The following DLG1 variants were observed in gnomAD, a reference collection of about 807,000 sequenced individuals.
The protein encoded by DLG1 is discs large MAGUK scaffold protein 1.
A neutral mutation model predicts 123.4 loss-of-function variants in DLG1; 42 were observed. The ratio of observed to expected loss-of-function variants is 0.34; its 90% CI spans 0.27 to 0.44. The LOEUF (loss-of-function observed/expected upper bound fraction) is 0.44, where lower values mean the gene tolerates loss of function less well. Among genes scored for constraint, DLG1 ranks in the 20% least tolerant of loss-of-function variants. The pLI is 1.00. For missense variants in DLG1, 942 were observed against 1,082.6 expected (o/e 0.87, Z 1.82); for synonymous variants, 317 against 356.2 (o/e 0.89, Z 1.24).
chr3:197,046,036 C>T (rs560025005), intron 24 of DLG1, among the ~76,000 whole-genome samples: 12 of 152,280 alleles, frequency 7.9e-5, no homozygotes, highest in East Asian at 3.9e-4. Context: ...ACATGATATT[C>T]GCTAGTATCA....
chr3:197,236,547 A>G (rs1746064583), intron 4 of DLG1, among the ~76,000 whole-genome samples: 1 of 152,198 alleles, frequency 6.6e-6, no homozygotes, highest in Admixed American at 6.5e-5. Flanking sequence ...TACATTGCCT[A>G]TGGGATAAAG....
chr3:197,073,270 C>T (rs1291043820), intron 18 of DLG1, among the ~76,000 whole-genome samples: 1 of 152,204 alleles, frequency 6.6e-6, no homozygotes, highest in Non-Finnish European at 1.5e-5. Context: ...AGGAAACCTA[C>T]GTGCCTGAGG....
intron 3 of DLG1, among the ~76,000 whole-genome samples, chr3:197,284,921 A>G (rs1257037512): frequency 1.3e-5 from 2 of 152,102 alleles, no homozygotes; most frequent in Admixed American, 1.3e-4. Flanking sequence ...GCAGATCTAA[A>G]CAAGACCACA....
rs139072923 is a variant in DLG1, at chr3:197,105,759, A to G, written c.1444-754T>C. Among the ~76,000 whole-genome samples, 48 of 152,326 alleles carry G rather than the reference A, an allele frequency of 3.2e-4. 1 individual carries two copies. The East Asian group carries it at 7.7e-3, about 24-fold the overall frequency. ...CTTAAGAGATTGTTCCTTTTCCACA[A>G]TAAGACAAACTTAAGAGGACATTCA... is the stretch of plus-strand genomic sequence containing the variant. On this transcript the variant is annotated intron_variant, in intron 13 of 24. Transcript: ENST00000667157.
intron 3 of DLG1, among the ~76,000 whole-genome samples, chr3:197,288,598 G>A (rs1039684400): frequency 6.6e-6 from 1 of 150,862 alleles, no homozygotes; most frequent in African/African-American, 2.4e-5. Flanking sequence ...GCACATGCCT[G>A]TAATCCCAGC....
chr3:197,142,302 G>A (rs1326545132), intron 7 of DLG1, among the ~76,000 whole-genome samples: 1 of 152,108 alleles, frequency 6.6e-6, no homozygotes, highest in Non-Finnish European at 1.5e-5. Context: ...ATAACTAAAC[G>A]TAATGTAGTT....
intron 17 of DLG1, chr3:197,080,455 T>TTTC (rs1491498569): frequency 6.1e-4 from 2 of 3,274 alleles, no homozygotes; most frequent in Non-Finnish European, 1.8e-3. Flanking sequence ...ATTTTTTACC[T>TTTC]TTTTTTTTTT....
chr3:197,256,810 G>A (rs1420690407), intron 4 of DLG1, among the ~76,000 whole-genome samples: 1 of 152,130 alleles, frequency 6.6e-6, no homozygotes, highest in Non-Finnish European at 1.5e-5. Flanking sequence ...AAGACTAAAC[G>A]AAACTTTCTC....
chr3:197,096,642 G>A (rs949774158), intron 14 of DLG1, among the ~76,000 whole-genome samples: 1 of 152,142 alleles, frequency 6.6e-6, no homozygotes, highest in Non-Finnish European at 1.5e-5. Context: ...TTGGTTTAAG[G>A]AAGTATGTCT....
At chr3:197,286,256 A>G (rs953593919) in intron 3 of DLG1, among the ~76,000 whole-genome samples, 1 of 152,198 alleles carries the variant, frequency 6.6e-6, no homozygotes, top group East Asian at 1.9e-4. Context: ...AAGAGCACAC[A>G]GGATTTTTAG....
chr3:197,242,467 C>T (rs151116693), intron 4 of DLG1, among the ~76,000 whole-genome samples: 21 of 151,914 alleles, frequency 1.4e-4, no homozygotes, highest in Non-Finnish European at 2.4e-4. Flanking sequence ...AACATTCCAC[C>T]CAACTGCTGG....
intron 4 of DLG1, among the ~76,000 whole-genome samples, chr3:197,219,386 T>C (rs139375377): frequency 1.0e-3 from 157 of 152,352 alleles, no homozygotes; most frequent in African/African-American, 3.4e-3. Context: ...CCCTTGATGA[T>C]AGGATTTGTT....
chr3:197,254,447 AAAAGG>A (rs1438835738), intron 4 of DLG1, among the ~76,000 whole-genome samples: 1 of 152,334 alleles, frequency 6.6e-6, no homozygotes, highest in East Asian at 1.9e-4. Context: ...CAGCTTCCTG[AAAAGG>A]AAAGAACACT....
chr3:197,130,122 C>CA (rs1781753859), intron 11 of DLG1, among the ~76,000 whole-genome samples: 2 of 151,956 alleles, frequency 1.3e-5, no homozygotes, highest in Non-Finnish European at 2.9e-5. Context: ...CTGTGAAGTG[C>CA]AATAAAGCAA....
At chr3:197,045,121 T>G (rs1046960122) in intron 24 of DLG1, among the ~76,000 whole-genome samples, 88 of 151,982 alleles carry the variant, frequency 5.8e-4, no homozygotes, top group African/African-American at 1.5e-3. Context: ...TTTTTTTTTT[T>G]GGGGTAGGAT....
In DLG1 at chr3:197,119,615, A is replaced by C. The variant is rs148534500; in HGVS notation, c.1166-85T>G. On this transcript the variant is annotated intron_variant, in intron 11 of 24. Coordinates refer to ENST00000667157, the MANE Select transcript of DLG1 (RefSeq NM_001366207.1). ...TTTATGAGTGATTAATGTGTAATTT[A>C]TATGCACTCCTTTATATATCAGAAT... 731 of 1,267,892 alleles carry C rather than the reference A, an allele frequency of 5.8e-4. 6 individuals are homozygous for C. The African/African-American group carries it at 0.01, about 18-fold the overall frequency. 78.5% of individuals were successfully genotyped at this position (1,267,892 alleles called of 1,614,324 possible). A position where few individuals can be genotyped will look rare whatever the true frequency, so the allele number is the denominator to read the frequency against.
At chr3:197,277,683 C>A (rs1322803468) in intron 4 of DLG1, among the ~76,000 whole-genome samples, 1 of 151,988 alleles carries the variant, frequency 6.6e-6, no homozygotes, top group South Asian at 2.1e-4. Flanking sequence ...TAAATCAACC[C>A]TTTTCTACTG....
chr3:197,116,317 A>C (rs1163562653), intron 12 of DLG1, among the ~76,000 whole-genome samples: 1 of 151,768 alleles, frequency 6.6e-6, no homozygotes, highest in Non-Finnish European at 1.5e-5. Flanking sequence ...ACAGAAATGA[A>C]ACCAAAACAG....
chr3:197,296,308 C>G (rs1777334507), intron 3 of DLG1, 38 bp downstream of exon 3: 2 of 1,591,246 alleles, frequency 1.3e-6, no homozygotes, highest in Admixed American at 1.7e-5. Flanking sequence ...GAGCATAAAG[C>G]CTAGCTGGCA....
Sources: gnomAD v4.1 joint callset for allele counts (sites outside exome capture counted in the v4.1 genomes callset) on GRCh38, gnomAD v4.1.1 for gene constraint, MANE v1.5 for transcripts, NCBI Gene and HGNC (gene_info 2026-07-23, HGNC 2026-07-21) for gene names.